RYR1: variants seen among roughly 807,000 people sequenced by gnomAD.
RYR1 encodes ryanodine receptor 1.
RYR1 carries 342 observed loss-of-function variants against 583.5 expected under a neutral mutation model. The observed-to-expected ratio is 0.59, with a 90% confidence interval of 0.54 to 0.64. The LOEUF (loss-of-function observed/expected upper bound fraction) is 0.64, where lower values mean the gene tolerates loss of function less well. Among genes scored for constraint, RYR1 ranks in the 30% least tolerant of loss-of-function variants. RYR1 has a pLI of 0.00. For synonymous variants in RYR1, 2,791 were observed against 2,822.5 expected, an observed-to-expected ratio of 0.99 and a Z score of 0.35; for missense variants, 6,032 against 6,917.2, an observed-to-expected ratio of 0.87 and a Z score of 4.54.
chr19:38,467,990 C>T (rs1484771294), intron 25 of RYR1, 178 bp downstream of exon 25: 6 of 642,616 alleles, frequency 9.3e-6, no homozygotes, highest in Admixed American at 2.3e-5. Context: ...ATCCATCCAT[C>T]GATCTATCAG....
chr19:38,499,506 C>A lies in RYR1; in HGVS notation c.7028-129C>A. The A allele has an allele frequency of 8.8e-7, 1 of 1,131,602 alleles. No individual in the cohort carries two copies. Among genetic ancestry groups the A allele is most frequent in the South Asian group, 1.4e-5 (1 of 72,008 alleles). The allele number at this position is 1,131,602 out of a possible 1,614,324, so 70.1% of individuals were successfully genotyped here. ...GGGGCTGGCAGGGGCCTGGTGTTAC[C>A]TCTGGAGGTGTTGGGTCCTGGAGCT... On this transcript the variant is annotated intron_variant, in intron 43 of 105. Transcript: ENST00000359596. This position sits in a 1 kb window ranked among gnomAD's most constrained non-coding sequence, Gnocchi z 7.3.
At position 38,523,199 on chromosome 19, in the gene RYR1, C is replaced by T; in HGVS notation, c.10348-18C>T. 6.2e-7 allele frequency: 1 copy of T among 1,614,242 alleles called. No individual in the cohort carries two copies. The highest frequency in any genetic ancestry group is 1.1e-5 in the South Asian group (1 of 91,090). On this transcript the variant is annotated intron_variant, in intron 68 of 105. Coordinates refer to ENST00000359596, the MANE Select transcript of RYR1 (RefSeq NM_000540.3). ...CTGCCTTCACCTGTCCGGTCTGCAA[C>T]ACTGCTTCCCCCACCAGAACTTCAA...
rs369508116 is a variant in RYR1, at chr19:38,506,984, G to A, written c.8816+32G>A. Reference sequence around the variant, plus strand: ...GGGTTGGGGCTCCCGCGGAAGAGCAGCAGGCAGAACACACCCGGCAAAGGC... The same window carrying A: ...GGGTTGGGGCTCCCGCGGAAGAGCAACAGGCAGAACACACCCGGCAAAGGC... On this transcript the variant is annotated intron_variant, in intron 57 of 105. Transcript: ENST00000359596. 8.7e-6 allele frequency: 14 copies of A among 1,612,004 alleles called. No homozygotes were observed. The African/African-American group carries it at 1.9e-4, about 22-fold the overall frequency.
At chr19:38,581,641 C>T (rs1974214453) in intron 101 of RYR1, among the ~76,000 whole-genome samples, 1 of 152,130 alleles carries the variant, frequency 6.6e-6, no homozygotes, top group Non-Finnish European at 1.5e-5. Flanking sequence ...TTCTGTCACC[C>T]AGGCTGGAGT....
chr19:38,434,890 G>C (rs1972357260), intron 1 of RYR1, among the ~76,000 whole-genome samples: 1 of 152,172 alleles, frequency 6.6e-6, no homozygotes, highest in Admixed American at 6.5e-5. Flanking sequence ...TCCTGCCCCA[G>C]AATAGGACCC....
Position 38,565,394 on chromosome 19 carries a change from G to A in RYR1, c.13060G>A (p.Ala4354Thr), listed in dbSNP as rs1214553487. The change falls in exon 91 of 106, where the codon GCG becomes ACG. Residue 4354 changes from alanine to threonine, a missense_variant. Transcript: ENST00000359596. The surrounding 1 kb of genome is among the most constrained non-coding windows in gnomAD (Gnocchi z 4.7). ...CGCTGGCGCGGGGGCGGCGGCGGGC[G>A]CGCTGGGCCTGCTCTGGGGCTCGCT... ...GAAGAGAAAG[A>T]LGLLWGSLFG... The A allele has an allele frequency of 2.9e-6, 4 of 1,375,826 alleles. No homozygotes were observed. The East Asian group carries it at 9.4e-5, about 32-fold the overall frequency. 85.2% of individuals were successfully genotyped at this position (1,375,826 alleles called of 1,614,324 possible).
chr19:38,506,534 C>G lies in RYR1; in HGVS notation c.8680C>G (p.Leu2894Val). Residue 2894 changes from leucine to valine, a missense_variant, in exon 56 of 106, where the codon CTG becomes GTG. This residue lies in a region of RYR1 where 1,493 missense variants were observed against 1,715.5 expected (regional missense o/e 0.87). Transcript: ENST00000359596. ...GTGGGGACGGAAGAAGAAGCAGGAGCTGGAAGCCAAAGGTGAGGGCGCCCA... is the reference window on the plus strand; with the variant it reads ...GTGGGGACGGAAGAAGAAGCAGGAGGTGGAAGCCAAAGGTGAGGGCGCCCA... ...NTWGRKKKQE[L>V]EAKGGGTHPL... 2 of 1,614,042 alleles carry G rather than the reference C, an allele frequency of 1.2e-6. No homozygotes were observed. Among genetic ancestry groups the G allele is most frequent in the African/African-American group, 1.3e-5 (1 of 75,028 alleles).
In RYR1 at chr19:38,477,664, C is replaced by A. The variant is rs374619479; in HGVS notation, c.4294-46C>A. The A allele has an allele frequency of 1.5e-4, 238 of 1,613,688 alleles. 1 individual carries two copies. The African/African-American group carries it at 2.7e-3, about 18-fold the overall frequency. On this transcript the variant is annotated intron_variant, in intron 29 of 105. Transcript: ENST00000359596. ...ATTTCGAGTCCCAGGGAGCCCGAGT[C>A]CCTGACTTCCAGACTGACCACTAGT...
chr19:38,518,893 C>T (rs1732073894), intron 66 of RYR1, among the ~76,000 whole-genome samples: 2 of 151,270 alleles, frequency 1.3e-5, no homozygotes, highest in Non-Finnish European at 2.9e-5. Context: ...CGCCATTGCA[C>T]TCCAGTCTGG....
chr19:38,512,492 G>T lies in RYR1; in HGVS notation c.9472+9G>T. On this transcript the variant is annotated intron_variant, in intron 63 of 105. Coordinates refer to ENST00000359596, the MANE Select transcript of RYR1 (RefSeq NM_000540.3). The surrounding 1 kb of genome is among the most constrained non-coding windows in gnomAD (Gnocchi z 5.1). ...CGGAGATGACGTCATCCGTAAGGGC[G>T]CCTGACCCAAGGGCAGGTTGCGGGG... 17 of 1,608,152 alleles carry T rather than the reference G, an allele frequency of 1.1e-5. No individual in the cohort carries two copies. Among genetic ancestry groups the T allele is most frequent in the Non-Finnish European group, 1.4e-5 (17 of 1,179,876 alleles).
intron 29 of RYR1, among the ~76,000 whole-genome samples, chr19:38,477,379 G>A (rs1441062027): frequency 1.3e-5 from 2 of 152,082 alleles, no homozygotes; most frequent in Non-Finnish European, 1.5e-5. Context: ...CTGACCTCAG[G>A]TGATCCACCT....
At chr19:38,456,991 A>G (rs2145403333) in intron 16 of RYR1, among the ~76,000 whole-genome samples, 1 of 126,622 alleles carries the variant, frequency 7.9e-6, no homozygotes. Flanking sequence ...GCTTGCAGTG[A>G]GCTGAGATTG....
In RYR1 at chr19:38,452,986, G is replaced by A. The variant is rs778568721; in HGVS notation, c.1412G>A (p.Arg471His). 2.5e-6 allele frequency: 4 copies of A among 1,613,818 alleles called. No individual in the cohort carries two copies. Among genetic ancestry groups the A allele is most frequent in the African/African-American group, 1.3e-5 (1 of 75,038 alleles). Reference sequence around the variant, plus strand: ...AAGCAGAGCAAGCTGCGAAGCCTGCGCAACCGCCAGAGCCTCTTCCAGGAG... The same window carrying A: ...AAGCAGAGCAAGCTGCGAAGCCTGCACAACCGCCAGAGCCTCTTCCAGGAG... ...EEKQSKLRSL[R>H]NRQSLFQEEG... Residue 471 changes from arginine to histidine, a missense_variant, in exon 13 of 106, where the codon CGC (arginine) becomes CAC (histidine). Around this residue, in one of 11 missense-constraint regions of RYR1, gnomAD observed 2,627 missense variants for 2,961.3 expected, o/e 0.89. Coordinates refer to ENST00000359596, the MANE Select transcript of RYR1 (RefSeq NM_000540.3).
In RYR1 at chr19:38,565,084, C is replaced by T. The variant is rs113553675; in HGVS notation, c.12750C>T (p.Ile4250=). 8 of 1,555,548 alleles carry T rather than the reference C, an allele frequency of 5.1e-6. No homozygotes were observed. The highest frequency in any genetic ancestry group is 2.7e-5 in the African/African-American group (2 of 73,666). ...TIFEMQIAAQ[I]SEPEGEPETD... ...TCGAGATGCAGATCGCCGCGCAGAT[C>T]TCGGAGCCCGAGGGCGAGCCGGAGA... Residue 4250 remains isoleucine (I), a synonymous_variant, in exon 91 of 106, where the codon ATC becomes ATT. Transcript: ENST00000359596. This position sits in a 1 kb window ranked among gnomAD's most constrained non-coding sequence, Gnocchi z 4.7.
chr19:38,496,729 G>C lies in RYR1; in HGVS notation c.6797-131G>C, dbSNP rs970362669. 2 of 1,141,586 alleles carry C rather than the reference G, an allele frequency of 1.8e-6. No individual in the cohort carries two copies. Among genetic ancestry groups the C allele is most frequent in the Non-Finnish European group, 2.6e-6 (2 of 763,732 alleles). The allele number at this position is 1,141,586 out of a possible 1,614,324, so 70.7% of individuals were successfully genotyped here. A position where few individuals can be genotyped will look rare whatever the true frequency, so the allele number is the denominator to read the frequency against. On this transcript the variant is annotated intron_variant, in intron 41 of 105. Transcript: ENST00000359596. This position sits in a 1 kb window ranked among gnomAD's most constrained non-coding sequence, Gnocchi z 4.8. ...ATAGTGACAGCCCAGAGTGGTCAGA[G>C]CTTGGATGAGGGAAGTACAGACCAG...
intron 93 of RYR1, among the ~76,000 whole-genome samples, chr19:38,569,964 G>C (rs1973636804): frequency 6.6e-6 from 1 of 152,178 alleles, no homozygotes; most frequent in Non-Finnish European, 1.5e-5. Flanking sequence ...AGGAGTTTGA[G>C]ACCAGCCTGA....
Position 38,573,180 on chromosome 19 carries a change from C to T in RYR1, c.14002C>T (p.Pro4668Ser), listed in dbSNP as rs193922863. ...TTGGCCTCCTCCCACTATCCAGGTG[C>T]CCCTGGTAATCTTTAAGCGGGAGAA... ...CIIGYNCLKVPLVIFKREKEL... is the reference protein window; with the variant it reads ...CIIGYNCLKVSLVIFKREKEL... Residue 4668 changes from proline to serine, a missense_variant, in exon 96 of 106, where the codon CCC becomes TCC. Physicochemically the swap from Pro to Ser is moderately conservative, Grantham distance 74. Coordinates refer to ENST00000359596, the MANE Select transcript of RYR1 (RefSeq NM_000540.3). 11 of 1,613,662 alleles carry T rather than the reference C, an allele frequency of 6.8e-6. No homozygotes were observed. Among genetic ancestry groups the T allele is most frequent in the Non-Finnish European group, 8.5e-7 (1 of 1,179,790 alleles).
At position 38,510,556 on chromosome 19, in the gene RYR1, C is replaced by A. The variant is rs1377413977; in HGVS notation, c.8991C>A (p.Phe2997Leu). The A allele has an allele frequency of 4.3e-6, 7 of 1,614,036 alleles. No individual in the cohort carries two copies. Among genetic ancestry groups the A allele is most frequent in the African/African-American group, 1.3e-5 (1 of 74,916 alleles). ...EKSPHEQEIK[F>L]FAKILLPLIN... Reference sequence around the variant, plus strand: ...CCCCACATGAACAGGAGATTAAATTCTTTGCCAAGGTGAGAGGTGGGCTTA... The same window carrying A: ...CCCCACATGAACAGGAGATTAAATTATTTGCCAAGGTGAGAGGTGGGCTTA... Residue 2997 changes from phenylalanine (F) to leucine (L), a missense_variant, in exon 59 of 106, where the codon TTC (phenylalanine) becomes TTA (leucine). Transcript: ENST00000359596.
rs1216260012 is a variant in RYR1, at chr19:38,543,957, G to A, written c.12012+82G>A. 21 of 1,364,576 alleles carry A rather than the reference G, an allele frequency of 1.5e-5. No homozygotes were observed. The highest frequency in any genetic ancestry group is 2.1e-5 in the Non-Finnish European group (21 of 979,710). 84.5% of individuals were successfully genotyped at this position (1,364,576 alleles called of 1,614,324 possible). ...TTTCCAAGTCTTGCCCCTTTGGTCA[G>A]TTTGTCACCCGAGTGCTCCCGGCAT... On this transcript the variant is annotated intron_variant, in intron 87 of 105. Coordinates refer to ENST00000359596, the MANE Select transcript of RYR1 (RefSeq NM_000540.3). This position sits in a 1 kb window ranked among gnomAD's most constrained non-coding sequence, Gnocchi z 4.4.
Sources: gnomAD v4.1 joint callset for allele counts (sites outside exome capture counted in the v4.1 genomes callset) on GRCh38, gnomAD v4.1.1 for gene constraint, gnomAD v4.1.1 regional missense constraint, Gnocchi (gnomAD v3.1) non-coding constraint, MANE v1.5 for transcripts, NCBI Gene and HGNC (gene_info 2026-07-23, HGNC 2026-07-21) for gene names.